FIRRM: variants seen among roughly 807,000 people sequenced by gnomAD.
The protein encoded by FIRRM is FIGNL1 interacting regulator of recombination and mitosis, also known as FIGNL1-interacting regulator of recombination and mitosis.
At chr1:169,798,924 G>A in the FIRRM span, 1 of 1,326,436 alleles carries the variant, frequency 7.5e-7, no homozygotes, top group Non-Finnish European at 1.0e-6. Context: ...CCTACTCATT[G>A]TCTCAACATT....
the FIRRM span, chr1:169,793,714 C>T: frequency 4.5e-6 from 7 of 1,543,408 alleles, no homozygotes; most frequent in African/African-American, 1.4e-5. Flanking sequence ...TAAATGCACA[C>T]AATCTTTAAA....
the FIRRM span, chr1:169,803,290 G>T: frequency 1.2e-6 from 2 of 1,613,730 alleles, no homozygotes; most frequent in Non-Finnish European, 1.7e-6. Flanking sequence ...ATAATTAAAA[G>T]CACATTTGTG....
the FIRRM span, among the ~76,000 whole-genome samples, chr1:169,787,448 C>T: frequency 2.4e-3 from 361 of 152,192 alleles, 3 homozygotes; most frequent in African/African-American, 8.4e-3. Context: ...TTGTCTTCAG[C>T]GAGAATTCTA....
the FIRRM span, chr1:169,802,586 C>CT: frequency 1.5e-5 from 21 of 1,412,314 alleles, no homozygotes; most frequent in Admixed American, 3.6e-4. Context: ...AGTGATTTCT[C>CT]TTATTCCTGT....
the FIRRM span, among the ~76,000 whole-genome samples, chr1:169,808,639 C>CT: frequency 6.8e-6 from 1 of 146,918 alleles, no homozygotes; most frequent in Admixed American, 6.9e-5. Context: ...GCGTCTCACT[C>CT]TGTCACCCAA....
At chr1:169,818,320 A>G in the FIRRM span, among the ~76,000 whole-genome samples, 1 of 152,218 alleles carries the variant, frequency 6.6e-6, no homozygotes, top group Non-Finnish European at 1.5e-5. Flanking sequence ...GGCATGGCTA[A>G]CACCACATGT....
At chr1:169,823,787 CTTTATT>C in the FIRRM span, among the ~76,000 whole-genome samples, 4 of 151,886 alleles carry the variant, frequency 2.6e-5, no homozygotes, top group Admixed American at 6.6e-5. Context: ...ATTTTTTAAT[CTTTATT>C]TTTATTTTGT....
chr1:169,788,895 T>C, the FIRRM span, among the ~76,000 whole-genome samples: 1 of 152,240 alleles, frequency 6.6e-6, no homozygotes, highest in Non-Finnish European at 1.5e-5. Flanking sequence ...TTTTGTTAGA[T>C]AACCTCCCGT....
the FIRRM span, chr1:169,853,659 AT>A: frequency 1.9e-6 from 3 of 1,587,876 alleles, no homozygotes. Flanking sequence ...TGAGGTATTG[AT>A]TTTTTTTAAA....
At chr1:169,799,755 T>C in the FIRRM span, among the ~76,000 whole-genome samples, 6 of 152,326 alleles carry the variant, frequency 3.9e-5, no homozygotes, top group African/African-American at 1.2e-4. Flanking sequence ...TTTCACCATG[T>C]TGGCCAGGCT....
At chr1:169,815,946 T>C in the FIRRM span, among the ~76,000 whole-genome samples, 3 of 152,188 alleles carry the variant, frequency 2.0e-5, no homozygotes, top group African/African-American at 7.2e-5. Flanking sequence ...TATTGGGGTC[T>C]CTTATATTTG....
the FIRRM span, chr1:169,847,572 T>C: frequency 1.5e-6 from 1 of 684,990 alleles, no homozygotes; most frequent in Non-Finnish European, 2.5e-6. Flanking sequence ...TGTTTGTTTT[T>C]TTCTGGGTTT....
At chr1:169,835,485 A>C in the FIRRM span, among the ~76,000 whole-genome samples, 4,207 of 152,314 alleles carry the variant, frequency 0.028, 111 homozygotes, top group Non-Finnish European at 0.045. Flanking sequence ...TTTAATGTAA[A>C]GTAAAAATTA....
At chr1:169,819,699 A>G in the FIRRM span, among the ~76,000 whole-genome samples, 2 of 145,496 alleles carry the variant, frequency 1.4e-5, no homozygotes, top group African/African-American at 2.6e-5. Flanking sequence ...TAAATCCCCT[A>G]TTACCCGACT....
the FIRRM span, among the ~76,000 whole-genome samples, chr1:169,799,190 G>A: frequency 6.6e-6 from 1 of 152,160 alleles, no homozygotes; most frequent in Non-Finnish European, 1.5e-5. Flanking sequence ...TGTTGATGAT[G>A]TATGTATAAA....
the FIRRM span, chr1:169,849,740 T>C: frequency 1.6e-6 from 1 of 644,030 alleles, no homozygotes; most frequent in Non-Finnish European, 2.7e-6. Context: ...ACATTACTCG[T>C]TATCTCTTTT....
At chr1:169,802,821 TG>T in the FIRRM span, 6 of 675,504 alleles carry the variant, frequency 8.9e-6, no homozygotes, top group Middle Eastern at 2.5e-4. Context: ...TCTTATGTAA[TG>T]GCCTAATGTT....
At chr1:169,821,187 C>G in the FIRRM span, among the ~76,000 whole-genome samples, 1 of 152,230 alleles carries the variant, frequency 6.6e-6, no homozygotes, top group Non-Finnish European at 1.5e-5. Context: ...CAAACCTCCC[C>G]CTTCCCGAAA....
At chr1:169,853,305 A>AT in the FIRRM span, 2 of 340,538 alleles carry the variant, frequency 5.9e-6, no homozygotes, top group Non-Finnish European at 5.3e-6. Flanking sequence ...TATAGCTAAA[A>AT]TTTTTTAAAG....
Sources: allele counts gnomAD v4.1 joint callset (sites outside exome capture counted in the v4.1 genomes callset), GRCh38; gene constraint gnomAD v4.1.1; transcripts MANE v1.5; gene names NCBI Gene and HGNC (gene_info 2026-07-23, HGNC 2026-07-21).